Variants in UNC13C observed in about 807,000 individuals in gnomAD.
The protein encoded by UNC13C is unc-13 homolog C.
In UNC13C, 174 loss-of-function variants were observed where a neutral mutation model predicts 245.4. The ratio of observed to expected loss-of-function variants is 0.71; its 90% CI spans 0.63 to 0.80. UNC13C has a LOEUF of 0.80. Ranked by LOEUF, UNC13C falls within the 30% of genes least tolerant of loss-of-function variation. UNC13C has a pLI of 0.00. For synonymous variants in UNC13C, 992 were observed against 895.1 expected, an observed-to-expected ratio of 1.11 and a Z score of -1.93; for missense variants, 2,829 against 2,602.9, an observed-to-expected ratio of 1.09 and a Z score of -1.89.
chr15:54,143,913 A>G (rs12592040), intron 4 of UNC13C, among the ~76,000 whole-genome samples: 2,851 of 152,296 alleles, frequency 0.019, 70 homozygotes, highest in East Asian at 0.093. Context: ...ATATAAGTCA[A>G]AATCAACTAA....
intron 2 of UNC13C, among the ~76,000 whole-genome samples, chr15:54,092,143 C>T (rs1337099650): frequency 1.3e-5 from 2 of 152,168 alleles, no homozygotes; most frequent in Non-Finnish European, 2.9e-5. Context: ...ACCTTCCTCA[C>T]TGGTGGGATG....
At chr15:54,047,980 T>A (rs1204231213) in intron 2 of UNC13C, among the ~76,000 whole-genome samples, 1 of 152,184 alleles carries the variant, frequency 6.6e-6, no homozygotes, top group Non-Finnish European at 1.5e-5. Flanking sequence ...AATTATTGGT[T>A]TAGAAAAATA....
chr15:53,874,866 C>T, the UNC13C span, among the ~76,000 whole-genome samples: 14 of 152,072 alleles, frequency 9.2e-5, no homozygotes, highest in African/African-American at 2.4e-4. Flanking sequence ...GAGGCCAAGG[C>T]GGGCGGATCA....
intron 1 of UNC13C, among the ~76,000 whole-genome samples, 170 bp from the exon 2 acceptor site, chr15:54,012,478 G>C (rs1309320190): frequency 6.6e-6 from 1 of 152,056 alleles, no homozygotes; most frequent in Non-Finnish European, 1.5e-5. Flanking sequence ...GTAGTGATTT[G>C]CTTTCAGTAG....
intron 17 of UNC13C, among the ~76,000 whole-genome samples, chr15:54,352,352 AT>A (rs1268978626): frequency 2.8e-5 from 4 of 142,416 alleles, no homozygotes; most frequent in Non-Finnish European, 4.5e-5. Context: ...ATATATATAT[AT>A]AGAGAGAGAG....
chr15:53,899,346 A>T, the UNC13C span, among the ~76,000 whole-genome samples: 1 of 152,224 alleles, frequency 6.6e-6, no homozygotes, highest in Non-Finnish European at 1.5e-5. Flanking sequence ...ATTGTTATAA[A>T]CACATCATTT....
intron 4 of UNC13C, among the ~76,000 whole-genome samples, chr15:54,151,535 TG>T: frequency 6.6e-6 from 1 of 152,274 alleles, no homozygotes. Flanking sequence ...CCCGAGTAGA[TG>T]GGATTACAGG....
At chr15:54,422,812 T>A (rs1019878758) in intron 19 of UNC13C, among the ~76,000 whole-genome samples, 14 of 151,924 alleles carry the variant, frequency 9.2e-5, no homozygotes, top group Non-Finnish European at 7.4e-5. Context: ...ACACTTATTA[T>A]ATCTGAATCA....
the UNC13C span, among the ~76,000 whole-genome samples, chr15:53,852,657 C>T: frequency 6.6e-6 from 1 of 152,152 alleles, no homozygotes; most frequent in African/African-American, 2.4e-5. Flanking sequence ...GTAATTGCCT[C>T]AAGGTAGAAA....
chr15:54,020,914 G>C (rs1168007071), intron 2 of UNC13C, among the ~76,000 whole-genome samples: 3 of 151,950 alleles, frequency 2.0e-5, no homozygotes, highest in Non-Finnish European at 4.4e-5. Flanking sequence ...ATAGTAGAAG[G>C]CAACTTATTT....
At chr15:54,456,549 T>C (rs1891539903) in intron 19 of UNC13C, among the ~76,000 whole-genome samples, 3 of 151,774 alleles carry the variant, frequency 2.0e-5, no homozygotes, top group Admixed American at 6.6e-5. Context: ...GTTTTCCTTA[T>C]AGAGATCTTT....
chr15:54,548,872 G>A (rs1261493805), intron 27 of UNC13C, among the ~76,000 whole-genome samples: 1 of 152,022 alleles, frequency 6.6e-6, no homozygotes, highest in East Asian at 1.9e-4. Flanking sequence ...CACTGTGCTA[G>A]GTGACGGGGC....
chr15:54,578,342 T>A (rs966589378), intron 30 of UNC13C, among the ~76,000 whole-genome samples: 2 of 152,196 alleles, frequency 1.3e-5, no homozygotes, highest in African/African-American at 4.8e-5. Context: ...TTACATTTTT[T>A]TATCGCACTC....
At chr15:54,238,336 G>A (rs1000579508) in intron 7 of UNC13C, among the ~76,000 whole-genome samples, 4 of 152,126 alleles carry the variant, frequency 2.6e-5, no homozygotes, top group Non-Finnish European at 5.9e-5. Flanking sequence ...GCCTCCCAAA[G>A]TGCTGGGATT....
intron 5 of UNC13C, 105 bp from the exon 6 acceptor site, chr15:54,236,325 A>G (rs981985291): frequency 1.2e-6 from 1 of 854,792 alleles, no homozygotes; most frequent in Admixed American, 2.1e-5. Flanking sequence ...CTATGTGGAA[A>G]TAATTGTAAA....
At chr15:54,407,113 A>T (rs2040310453) in intron 18 of UNC13C, among the ~76,000 whole-genome samples, 1 of 152,208 alleles carries the variant, frequency 6.6e-6, no homozygotes, top group Admixed American at 6.5e-5. Context: ...TGTGACAAGC[A>T]ATTTATGGTT....
intron 19 of UNC13C, among the ~76,000 whole-genome samples, chr15:54,486,607 A>G (rs190844681): frequency 6.6e-6 from 1 of 152,200 alleles, no homozygotes. Flanking sequence ...TTATAGGATT[A>G]TGGGTAAATA....
the UNC13C span, among the ~76,000 whole-genome samples, chr15:53,956,820 C>T: frequency 1.3e-5 from 2 of 150,656 alleles, no homozygotes; most frequent in East Asian, 2.0e-4. Flanking sequence ...TGTCATGGAA[C>T]TGACAGGGAG....
intron 4 of UNC13C, among the ~76,000 whole-genome samples, chr15:54,217,855 C>T (rs991477108): frequency 6.6e-6 from 1 of 151,752 alleles, no homozygotes; most frequent in Admixed American, 6.6e-5. Context: ...CTGCCAGGTC[C>T]GTAGGCTTCC....
Sources: allele counts gnomAD v4.1 joint callset (sites outside exome capture counted in the v4.1 genomes callset), GRCh38; gene constraint gnomAD v4.1.1; transcripts MANE v1.5; gene names NCBI Gene and HGNC (gene_info 2026-07-23, HGNC 2026-07-21).